NKAIN2: variants seen among roughly 807,000 people sequenced by gnomAD.
NKAIN2 encodes sodium/potassium-transporting ATPase subunit beta-1-interacting protein 2.
Under a neutral mutation model 32.6 loss-of-function variants are expected in NKAIN2, and 14 were observed. The observed-to-expected ratio is 0.43, with a 90% CI of 0.28 to 0.67. The LOEUF is 0.67. Among genes scored for constraint, NKAIN2 ranks in the 30% least tolerant of loss-of-function variants. NKAIN2 has a pLI of 0.17. For missense variants in NKAIN2, 198 were observed against 258.3 expected, an observed-to-expected ratio of 0.77 and a Z score of 1.60; for synonymous variants, 80 against 87.2, an observed-to-expected ratio of 0.92 and a Z score of 0.46.
At chr6:124,471,125 C>T (rs1776956158) in intron 3 of NKAIN2, among the ~76,000 whole-genome samples, 2 of 152,080 alleles carry the variant, frequency 1.3e-5, no homozygotes, top group Non-Finnish European at 2.9e-5. Context: ...TTTGCCAACT[C>T]CTGGGTTGAA....
chr6:124,598,351 C>T (rs1038414325), intron 3 of NKAIN2, among the ~76,000 whole-genome samples: 1 of 152,138 alleles, frequency 6.6e-6, no homozygotes. Context: ...TATATCACTT[C>T]ATGAATTAAT....
At chr6:124,174,806 G>C (rs956394611) in intron 1 of NKAIN2, among the ~76,000 whole-genome samples, 1 of 152,122 alleles carries the variant, frequency 6.6e-6, no homozygotes, top group African/African-American at 2.4e-5. Flanking sequence ...TGGTGTCCAG[G>C]AGGAAGGAAA....
chr6:124,013,236 T>C (rs1462158920), intron 1 of NKAIN2, among the ~76,000 whole-genome samples: 1 of 152,212 alleles, frequency 6.6e-6, no homozygotes. Context: ...TTATCAAATA[T>C]GTGTTTGAAA....
At chr6:124,592,408 G>A (rs1781944768) in intron 3 of NKAIN2, among the ~76,000 whole-genome samples, 1 of 152,108 alleles carries the variant, frequency 6.6e-6, no homozygotes, top group African/African-American at 2.4e-5. Flanking sequence ...AAAGAATTGA[G>A]GAACCCCTTA....
chr6:124,518,844 G>A (rs948979204), intron 3 of NKAIN2, among the ~76,000 whole-genome samples: 1 of 152,158 alleles, frequency 6.6e-6, no homozygotes, highest in Admixed American at 6.5e-5. Context: ...AAGGGATTTT[G>A]AAAGATATCA....
At chr6:124,668,348 G>C (rs1456501581) in intron 4 of NKAIN2, among the ~76,000 whole-genome samples, 1 of 151,974 alleles carries the variant, frequency 6.6e-6, no homozygotes, top group Non-Finnish European at 1.5e-5. Flanking sequence ...TGAAATTTAT[G>C]AGTTATTCCA....
chr6:124,585,765 A>T (rs1358983281), intron 3 of NKAIN2, among the ~76,000 whole-genome samples: 1 of 152,196 alleles, frequency 6.6e-6, no homozygotes, highest in Non-Finnish European at 1.5e-5. Flanking sequence ...TGTTCTTTTA[A>T]ATGTATTACT....
intron 3 of NKAIN2, among the ~76,000 whole-genome samples, chr6:124,629,837 A>G (rs1026744871): frequency 2.6e-5 from 4 of 152,132 alleles, no homozygotes; most frequent in African/African-American, 9.7e-5. Context: ...ACAAATGTCA[A>G]TTGAGAAGCT....
chr6:124,392,321 G>A (rs1226339799), intron 3 of NKAIN2, among the ~76,000 whole-genome samples: 1 of 152,136 alleles, frequency 6.6e-6, no homozygotes, highest in African/African-American at 2.4e-5. Context: ...TATGGCCATA[G>A]TAAGTACTCA....
At chr6:124,101,713 T>A (rs75453446) in intron 1 of NKAIN2, among the ~76,000 whole-genome samples, 1,945 of 152,206 alleles carry the variant, frequency 0.013, 46 homozygotes, top group African/African-American at 0.045. Context: ...TAAGGTGTAA[T>A]TCAGTATTTC....
At position 124,192,898 on chromosome 6, in the gene NKAIN2, C is replaced by A. The variant is rs548517206; in HGVS notation, c.55-90107C>A. ...CCGAGTAGCTGGGACTACAGGCGCC[C>A]GCCACCGCGCGCAGCTACTTTTTTG... On this transcript the variant is annotated intron_variant, in intron 1 of 6. Coordinates refer to ENST00000368417, the MANE Select transcript of NKAIN2 (RefSeq NM_001040214.3). 1.1e-4 allele frequency among the ~76,000 whole-genome samples: 17 copies of A among 151,934 alleles called. No homozygotes were observed. In the South Asian group the frequency reaches 3.1e-3, roughly 28 times the overall value.
chr6:124,474,875 T>TAATATATACATATA (rs1562207704), intron 3 of NKAIN2, among the ~76,000 whole-genome samples: 1 of 146,894 alleles, frequency 6.8e-6, no homozygotes, highest in Non-Finnish European at 1.5e-5. Flanking sequence ...TATACATATA[T>TAATATATACATATA]TGTATATTAT....
At chr6:124,776,592 C>G (rs974257753) in intron 4 of NKAIN2, among the ~76,000 whole-genome samples, 1 of 152,174 alleles carries the variant, frequency 6.6e-6, no homozygotes, top group Non-Finnish European at 1.5e-5. Flanking sequence ...TTACAAATAG[C>G]TAAAGCTCTT....
chr6:124,345,566 A>G (rs575443581), intron 2 of NKAIN2, among the ~76,000 whole-genome samples: 6,222 of 150,866 alleles, frequency 0.041, 233 homozygotes, highest in African/African-American at 0.096. Flanking sequence ...GTCTTGGGAG[A>G]GTGTATGTGT....
At chr6:123,966,324 G>A (rs1426066214) in intron 1 of NKAIN2, among the ~76,000 whole-genome samples, 2 of 152,132 alleles carry the variant, frequency 1.3e-5, no homozygotes, top group African/African-American at 4.8e-5. Context: ...ATCATCCTCA[G>A]AAGATACGAG....
At chr6:123,866,540 A>T (rs995321315) in intron 1 of NKAIN2, among the ~76,000 whole-genome samples, 1 of 151,674 alleles carries the variant, frequency 6.6e-6, no homozygotes, top group African/African-American at 2.4e-5. Flanking sequence ...AAGCCATTCT[A>T]CTGCCTCAGC....
intron 5 of NKAIN2, among the ~76,000 whole-genome samples, chr6:124,795,342 A>C (rs976036683): frequency 2.6e-5 from 4 of 152,198 alleles, no homozygotes; most frequent in African/African-American, 9.6e-5. Flanking sequence ...AGGAAACTTC[A>C]GAGGAAAGAG....
At chr6:124,244,674 G>T (rs1294316191) in intron 1 of NKAIN2, among the ~76,000 whole-genome samples, 1 of 151,980 alleles carries the variant, frequency 6.6e-6, no homozygotes, top group Non-Finnish European at 1.5e-5. Context: ...AATTTACCAT[G>T]TTGCCCCTCA....
At chr6:124,011,620 T>C (rs909544021) in intron 1 of NKAIN2, among the ~76,000 whole-genome samples, 4 of 152,194 alleles carry the variant, frequency 2.6e-5, no homozygotes, top group African/African-American at 9.6e-5. Flanking sequence ...ACTCTCCAAA[T>C]GCCTTCACAC....
Sources: allele counts gnomAD v4.1 joint callset (sites outside exome capture counted in the v4.1 genomes callset), GRCh38; gene constraint gnomAD v4.1.1; transcripts MANE v1.5; gene names NCBI Gene and HGNC (gene_info 2026-07-23, HGNC 2026-07-21).